Variants in TMPRSS3 observed in about 807,000 individuals in gnomAD.
TMPRSS3 encodes the protein transmembrane serine protease 3.
TMPRSS3 carries 55 observed loss-of-function variants against 59.6 expected under a neutral mutation model. The observed-to-expected ratio is 0.92, with a 90% CI of 0.74 to 1.16. The LOEUF (loss-of-function observed/expected upper bound fraction) is 1.16. Ranked by LOEUF, TMPRSS3 falls within the 50% of genes most tolerant of loss-of-function variation. TMPRSS3 has a pLI of 0.00. For missense variants in TMPRSS3, 596 were observed against 579.4 expected (o/e 1.03, Z -0.29); for synonymous variants, 257 against 237.7 (o/e 1.08, Z -0.75).
chr21:42,385,393 T>C lies in TMPRSS3; in HGVS notation c.572+16A>G. On this transcript the variant is annotated intron_variant, in intron 6 of 12. Coordinates refer to ENST00000644384, the MANE Select transcript of TMPRSS3 (RefSeq NM_001256317.3). Reference sequence around the variant, plus strand: ...CTCGATACCTGTGCAGACAACAGCATCGCCTGACCACCTACCTCACATATA... The same window carrying C: ...CTCGATACCTGTGCAGACAACAGCACCGCCTGACCACCTACCTCACATATA... 1 of 1,613,738 alleles carries C rather than the reference T, an allele frequency of 6.2e-7. No individual in the cohort carries two copies. Among genetic ancestry groups the C allele is most frequent in the Non-Finnish European group, 8.5e-7 (1 of 1,179,868 alleles).
intron 12 of TMPRSS3, among the ~76,000 whole-genome samples, chr21:42,375,084 G>A (rs962022047): frequency 7.9e-5 from 12 of 152,052 alleles, no homozygotes; most frequent in Non-Finnish European, 1.8e-4. Context: ...CAGCTGCCAG[G>A]GTCCCAGCGA....
chr21:42,386,510 C>T (rs1451951330), intron 5 of TMPRSS3, among the ~76,000 whole-genome samples: 2 of 152,196 alleles, frequency 1.3e-5, no homozygotes, highest in East Asian at 3.8e-4. Context: ...GGCAAGGGGA[C>T]CCCAGTGCTG....
Position 42,382,102 on chromosome 21 carries a change from G to A in TMPRSS3, c.915C>T (p.Ile305=), listed in dbSNP as rs774844255. The change falls in exon 9 of 13, where the codon ATC becomes ATT. Residue 305 remains isoleucine, a synonymous_variant. Coordinates refer to ENST00000644384, the MANE Select transcript of TMPRSS3 (RefSeq NM_001256317.3). ...GTGGCCCGGCCAGCTTCATAAGGGC[G>A]ATGTCATTGCCCAGCCTCTTTGGCT... ...KYKPKRLGND[I]ALMKLAGPLT... is the part of the protein sequence containing the mutation. The A allele has an allele frequency of 2.8e-5, 46 of 1,614,104 alleles. No individual in the cohort carries two copies. Among genetic ancestry groups the A allele is most frequent in the East Asian group, 6.7e-5 (3 of 44,904 alleles).
intron 9 of TMPRSS3, among the ~76,000 whole-genome samples, chr21:42,380,606 A>G (rs1031924292): frequency 7.9e-5 from 12 of 152,266 alleles, no homozygotes; most frequent in Admixed American, 7.8e-4. Context: ...TCTATTTACC[A>G]AAACACGATG....
At position 42,383,130 on chromosome 21, in the gene TMPRSS3, G is replaced by C; in HGVS notation, c.685C>G (p.Pro229Ala). 1 of 1,614,190 alleles carries C rather than the reference G, an allele frequency of 6.2e-7. No individual in the cohort carries two copies. Among genetic ancestry groups the C allele is most frequent in the Non-Finnish European group, 8.5e-7 (1 of 1,180,036 alleles). The change falls in exon 8 of 13, where the codon CCC becomes GCC. Residue 229 changes from proline (P) to alanine (A), a missense_variant. Physicochemically the swap from Pro to Ala is conservative, Grantham distance 27. Coordinates refer to ENST00000644384, the MANE Select transcript of TMPRSS3 (RefSeq NM_001256317.3). ...TGGAACTGAAGGCTGGCCTGCCAGG[G>C]CCACTGCGAGAGCAAGGACATGTTT... The part of the protein sequence containing the change: ...GGNMSLLSQW[P>A]WQASLQFQGY...
In TMPRSS3 at chr21:42,388,446, C is replaced by A. The variant is rs769177813; in HGVS notation, c.403G>T (p.Gly135Cys). 2 of 1,614,068 alleles carry A rather than the reference C, an allele frequency of 1.2e-6. No homozygotes were observed. Among genetic ancestry groups the A allele is most frequent in the East Asian group, 4.5e-5 (2 of 44,904 alleles). ...WKTMCSDDWK[G>C]HYANVACAQL... is the part of the protein sequence containing the mutation. ...GCACAGGCAACATTTGCGTAGTGAC[C>A]CTTCCAGTCATCGGAGCACATGGTC... Residue 135 changes from glycine to cysteine, a missense_variant, in exon 5 of 13, where the codon GGT becomes TGT. By Grantham distance (159) the Gly-to-Cys change is radical. Transcript: ENST00000644384. This position sits in a 1 kb window ranked among gnomAD's most constrained non-coding sequence, Gnocchi z 5.1.
chr21:42,375,396 G>C (rs1419449777), intron 12 of TMPRSS3, among the ~76,000 whole-genome samples: 1 of 150,926 alleles, frequency 6.6e-6, no homozygotes, highest in African/African-American at 2.4e-5. Flanking sequence ...CTGGCACACG[G>C]GGCACGCCCG....
At chr21:42,393,633 A>G (rs1167070984) in intron 2 of TMPRSS3, among the ~76,000 whole-genome samples, 2 of 152,234 alleles carry the variant, frequency 1.3e-5, no homozygotes, top group Non-Finnish European at 2.9e-5. Flanking sequence ...TGGAATACCT[A>G]TAGGAGGACA....
chr21:42,375,401 C>T (rs1179045412), intron 12 of TMPRSS3, among the ~76,000 whole-genome samples: 1 of 151,456 alleles, frequency 6.6e-6, no homozygotes, highest in African/African-American at 2.4e-5. Flanking sequence ...ACACGGGGCA[C>T]GCCCGACCCA....
At chr21:42,392,856 G>A (rs1244867317) in intron 2 of TMPRSS3, among the ~76,000 whole-genome samples, 3 of 152,200 alleles carry the variant, frequency 2.0e-5, no homozygotes, top group South Asian at 4.1e-4. Flanking sequence ...ACATTTAATC[G>A]AAAGGCTGTG....
At chr21:42,389,884 G>T in intron 3 of TMPRSS3, 43 bp downstream of exon 3, 4 of 1,444,598 alleles carry the variant, frequency 2.8e-6, no homozygotes, top group Non-Finnish European at 3.9e-6. Context: ...TTAACTACTT[G>T]GCTAGGTATT....
In TMPRSS3 at chr21:42,376,585, TGGA is replaced by T; in HGVS notation, c.1144_1146del (p.Ser382del). 17 of 1,613,730 alleles carry T rather than the reference TGGA, an allele frequency of 1.1e-5. No homozygotes were observed. The highest frequency in any genetic ancestry group is 1.4e-5 in the Non-Finnish European group (17 of 1,179,970). ...CCCGTCAGGTAGCCCGCGCAGAGCA[TGGA>T]GGGGGAGATGATGCCACCGTACACG... On this transcript the variant is annotated inframe_deletion, in exon 11 of 13. Transcript: ENST00000644384.
At chr21:42,389,153 C>A (rs1365612788) in intron 3 of TMPRSS3, 108 bp from the exon 4 acceptor site, 2 of 1,558,356 alleles carry the variant, frequency 1.3e-6, no homozygotes, top group Non-Finnish European at 1.7e-6. Flanking sequence ...AATAATGAAA[C>A]CTGTATTGAA....
intron 10 of TMPRSS3, among the ~76,000 whole-genome samples, chr21:42,377,271 A>G (rs930084055): frequency 1.3e-5 from 2 of 152,226 alleles, no homozygotes; most frequent in African/African-American, 4.8e-5. Flanking sequence ...GGGTCTTTGG[A>G]GGAGCCGGAG....
chr21:42,383,303 T>G, intron 7 of TMPRSS3, 105 bp from the exon 8 acceptor site: 1 of 1,223,096 alleles, frequency 8.2e-7, no homozygotes, highest in Non-Finnish European at 1.2e-6. Context: ...TCACTGCCCC[T>G]GCTCCCAGAG....
At chr21:42,385,567 G>C in intron 5 of TMPRSS3, 33 bp from the exon 6 acceptor site, 1 of 1,613,460 alleles carries the variant, frequency 6.2e-7, no homozygotes, top group South Asian at 1.1e-5. Context: ...GACCCGACGT[G>C]GTAACTTTAC....
intron 5 of TMPRSS3, among the ~76,000 whole-genome samples, chr21:42,387,730 G>A (rs552076934): frequency 6.6e-6 from 1 of 152,302 alleles, no homozygotes; most frequent in African/African-American, 2.4e-5. Context: ...TGAGAGCAAA[G>A]GGGAGTAAGG....
At chr21:42,377,096 G>T (rs2052444466) in intron 10 of TMPRSS3, among the ~76,000 whole-genome samples, 1 of 152,206 alleles carries the variant, frequency 6.6e-6, no homozygotes, top group Admixed American at 6.5e-5. Context: ...GTGAACTCTG[G>T]GATGGTCAGC....
At chr21:42,377,932 G>A (rs1418918798) in intron 10 of TMPRSS3, among the ~76,000 whole-genome samples, 1 of 152,276 alleles carries the variant, frequency 6.6e-6, no homozygotes, top group African/African-American at 2.4e-5. Flanking sequence ...CAGCGGGATG[G>A]AGAATCTCCT....
Sources: gnomAD v4.1 joint callset for allele counts (sites outside exome capture counted in the v4.1 genomes callset) on GRCh38, gnomAD v4.1.1 for gene constraint, Gnocchi (gnomAD v3.1) non-coding constraint, MANE v1.5 for transcripts, NCBI Gene and HGNC (gene_info 2026-07-23, HGNC 2026-07-21) for gene names.